FAM72A: variants seen among roughly 807,000 people sequenced by gnomAD.
The protein encoded by FAM72A is protein FAM72A.
Under a neutral mutation model 11.3 loss-of-function variants are expected in FAM72A, and 1 was observed. The observed-to-expected ratio is 0.09, with a 90% CI of 0.03 to 0.42. The LOEUF is 0.42. FAM72A is among the 10% of genes least tolerant of loss of function. FAM72A has a pLI of 0.98. For synonymous variants in FAM72A, 5 were observed against 46.9 expected (o/e 0.11, Z 3.65); for missense variants, 15 against 135.5 (o/e 0.11, Z 4.41).
intron 3 of FAM72A, among the ~76,000 whole-genome samples, chr1:206,193,489 G>A (rs1362797317): frequency 3.9e-5 from 6 of 152,152 alleles, no homozygotes; most frequent in African/African-American, 7.2e-5. Context: ...CACTGCGTCC[G>A]GCAGAGATTT....
At position 206,187,098 on chromosome 1, in the gene FAM72A, C is replaced by A. The variant is rs1172983585; in HGVS notation, c.*181G>T. ...AGGAAGTAGAAGTAGAGGAAAAGCA[C>A]AACTTCACTGGCTTCAATCAAACTG... On this transcript the variant is annotated 3_prime_UTR_variant, in exon 4 of 4. Transcript: ENST00000367128. 2.1e-6 allele frequency: 2 copies of A among 958,472 alleles called. No individual in the cohort carries two copies. Among genetic ancestry groups the A allele is most frequent in the Non-Finnish European group, 2.9e-6 (2 of 679,834 alleles). The allele number at this position is 958,472 out of a possible 1,614,324, so 59.4% of individuals were successfully genotyped here.
upstream of FAM72A, chr1:206,205,755 C>T: frequency 3.2e-6 from 2 of 625,092 alleles, no homozygotes; most frequent in South Asian, 3.9e-5. Context: ...AGGCACCAGC[C>T]GCCGCCGCAC....
chr1:206,196,787 A>G (rs1377121520), intron 2 of FAM72A, among the ~76,000 whole-genome samples: 1 of 151,516 alleles, frequency 6.6e-6, no homozygotes, highest in African/African-American at 2.4e-5. Context: ...TCAGTCTTTC[A>G]CAATTTTTTT....
intron 3 of FAM72A, among the ~76,000 whole-genome samples, chr1:206,190,836 A>C (rs1553297433): frequency 1.3e-5 from 2 of 150,042 alleles, no homozygotes; most frequent in Admixed American, 6.7e-5. Flanking sequence ...GTGCCACCAC[A>C]CTCCAGCCTG....
chr1:206,192,873 A>G (rs1473481765), intron 3 of FAM72A, among the ~76,000 whole-genome samples: 1 of 150,832 alleles, frequency 6.6e-6, no homozygotes, highest in Non-Finnish European at 1.5e-5. Flanking sequence ...ATTATGGATG[A>G]AGGTGGCTAC....
chr1:206,200,273 T>A (rs1456435656), intron 1 of FAM72A, among the ~76,000 whole-genome samples: 1 of 151,128 alleles, frequency 6.6e-6, no homozygotes, highest in African/African-American at 2.5e-5. Flanking sequence ...ATAGTAATTC[T>A]ACGCTTGATT....
chr1:206,201,832 TTTAG>T lies in FAM72A; in HGVS notation c.152+38_152+41del, dbSNP rs1435290304. 7.8e-4 allele frequency: 259 copies of T among 331,506 alleles called. 2 individuals carry two copies. In the African/African-American group the frequency reaches 0.011, roughly 14 times the overall value. 20.5% of individuals were successfully genotyped at this position (331,506 alleles called of 1,614,324 possible). ...CAGATCCAAGCCATAAGTGTTCCCA[TTTAG>T]TTAAAAGCTACCGTTGCCCGCCACT... On this transcript the variant is annotated intron_variant, in intron 1 of 3. Transcript: ENST00000367128.
intron 3 of FAM72A, among the ~76,000 whole-genome samples, chr1:206,193,079 A>G (rs1664877653): frequency 6.7e-6 from 1 of 150,106 alleles, no homozygotes; most frequent in Non-Finnish European, 1.5e-5. Flanking sequence ...ATGCCCAGCT[A>G]ATTTTGTATT....
At chr1:206,192,006 G>T (rs1249366492) in intron 3 of FAM72A, among the ~76,000 whole-genome samples, 1 of 136,824 alleles carries the variant, frequency 7.3e-6, no homozygotes, top group African/African-American at 2.8e-5. Context: ...ATAGATACTG[G>T]GCTTTATATA....
rs1249529413 is a variant in FAM72A, at chr1:206,190,823, A to G, written c.356-3450T>C. On this transcript the variant is annotated intron_variant, in intron 3 of 3. Transcript: ENST00000367128. ...GAGGTCGAGGCTGCAGTGAGCCAAG[A>G]TTGTGCCACCACACTCCAGCCTGGG... is the stretch of plus-strand genomic sequence containing the variant. 9.3e-5 allele frequency among the ~76,000 whole-genome samples: 14 copies of G among 151,114 alleles called. No individual in the cohort carries two copies. The South Asian group carries it at 3.0e-3, about 32-fold the overall frequency.
At chr1:206,191,862 G>A (rs1435044802) in intron 3 of FAM72A, among the ~76,000 whole-genome samples, 4 of 150,938 alleles carry the variant, frequency 2.7e-5, no homozygotes, top group African/African-American at 9.8e-5. Flanking sequence ...GGCTGGTCTC[G>A]AACCCCTGAC....
At chr1:206,191,599 T>G in intron 3 of FAM72A, among the ~76,000 whole-genome samples, 1 of 134,820 alleles carries the variant, frequency 7.4e-6, no homozygotes, top group African/African-American at 3.0e-5. Context: ...GAAACAAGAG[T>G]GAAACTCTGT....
chr1:206,191,719 ATATTATT>A (rs1664809824), intron 3 of FAM72A, among the ~76,000 whole-genome samples: 1 of 128,980 alleles, frequency 7.8e-6, no homozygotes, highest in Non-Finnish European at 1.6e-5. Context: ...TCTTACTAAA[ATATTATT>A]TTTTTTTTTT....
chr1:206,187,022 C>T lies in FAM72A; in HGVS notation c.*257G>A. 2.5e-6 allele frequency: 1 copy of T among 403,076 alleles called. No homozygotes were observed. The highest frequency in any genetic ancestry group is 4.3e-6 in the Non-Finnish European group (1 of 230,324). The allele number at this position is 403,076 out of a possible 1,614,324, so 25.0% of individuals were successfully genotyped here. A position where few individuals can be genotyped will look rare whatever the true frequency, so the allele number is the denominator to read the frequency against. On this transcript the variant is annotated 3_prime_UTR_variant, in exon 4 of 4. Transcript: ENST00000367128. ...TGAGTGATATGTGAAAGAATCTTCC[C>T]CTGTCTGAATTTAAGAATACACCTA...
chr1:206,192,971 T>C (rs1473237617), intron 3 of FAM72A, among the ~76,000 whole-genome samples: 6 of 151,680 alleles, frequency 4.0e-5, no homozygotes, highest in Non-Finnish European at 8.8e-5. Context: ...TGGAGTGCAA[T>C]GGCATGATCT....
At chr1:206,194,541 C>G (rs1204264208) in intron 3 of FAM72A, among the ~76,000 whole-genome samples, 2 of 151,086 alleles carry the variant, frequency 1.3e-5, no homozygotes, top group African/African-American at 4.9e-5. Context: ...TCAATCCATG[C>G]GGCAAACCTC....
upstream of FAM72A, chr1:206,203,699 G>A: frequency 8.5e-7 from 1 of 1,183,066 alleles, no homozygotes; most frequent in East Asian, 2.6e-5. Flanking sequence ...CGCCGGGCTG[G>A]AGCCCTGACT....
At chr1:206,191,336 T>C (rs1414296689) in intron 3 of FAM72A, among the ~76,000 whole-genome samples, 1 of 108,648 alleles carries the variant, frequency 9.2e-6, no homozygotes, top group Non-Finnish European at 1.7e-5. Context: ...AGGCCAGGCA[T>C]GGTGACTCAC....
upstream of FAM72A, chr1:206,205,105 C>T (rs1439439738): frequency 6.6e-6 from 1 of 152,146 alleles, no homozygotes; most frequent in Admixed American, 6.5e-5. Context: ...GGAGGGCTCC[C>T]TCGGGCTGGC....
Sources: allele counts gnomAD v4.1 joint callset (sites outside exome capture counted in the v4.1 genomes callset), GRCh38; gene constraint gnomAD v4.1.1; transcripts MANE v1.5; gene names NCBI Gene and HGNC (gene_info 2026-07-23, HGNC 2026-07-21).